Variants in SIM2 observed in about 807,000 individuals in gnomAD.
The protein encoded by SIM2 is single-minded homolog 2.
A neutral mutation model predicts 64.8 loss-of-function variants in SIM2; 28 were observed. The ratio of observed to expected loss-of-function variants is 0.43; its 90% CI spans 0.32 to 0.59. SIM2 has a LOEUF of 0.59. Ranked by LOEUF, SIM2 falls within the 20% of genes least tolerant of loss-of-function variation. The probability of loss-of-function intolerance (pLI) is 0.07; values close to 1 mark genes in which losing one functional copy is unlikely to be tolerated. For missense variants in SIM2, 847 were observed against 871.4 expected, an observed-to-expected ratio of 0.97 and a Z score of 0.35; for synonymous variants, 408 against 391.1, an observed-to-expected ratio of 1.04 and a Z score of -0.51.
At chr21:36,739,215 A>G (rs770008945) in intron 7 of SIM2, among the ~76,000 whole-genome samples, 8 of 152,360 alleles carry the variant, frequency 5.3e-5, no homozygotes, top group Middle Eastern at 3.4e-3. Flanking sequence ...TAAATCCTCA[A>G]ATAGATCATC....
In SIM2 at chr21:36,747,534, G is replaced by T; in HGVS notation, c.1577-131G>T. The T allele has an allele frequency of 2.1e-6, 1 of 480,862 alleles. No homozygotes were observed. The highest frequency in any genetic ancestry group is 3.0e-6 in the Non-Finnish European group (1 of 331,904). 29.8% of individuals were successfully genotyped at this position (480,862 alleles called of 1,614,324 possible). A position where few individuals can be genotyped will look rare whatever the true frequency, so the allele number is the denominator to read the frequency against. The stretch of plus-strand genomic sequence containing the variant: ...ACAGCACGGCCTAGACTAAGGCGGG[G>T]GAGGGCGACAGCGACCCCGCGGGTG... On this transcript the variant is annotated intron_variant, in intron 10 of 10. Coordinates refer to ENST00000290399, the MANE Select transcript of SIM2 (RefSeq NM_005069.6). The surrounding 1 kb of genome is among the most constrained non-coding windows in gnomAD (Gnocchi z 4.5).
Position 36,699,899 on chromosome 21 carries a change from G to A in SIM2, c.153G>A (p.Lys51=), listed in dbSNP as rs142269949. Residue 51 remains lysine, a synonymous_variant, in exon 1 of 11, where the codon AAG becomes AAA. Coordinates refer to ENST00000290399, the MANE Select transcript of SIM2 (RefSeq NM_005069.6). This position sits in a 1 kb window ranked among gnomAD's most constrained non-coding sequence, Gnocchi z 5.6. ...TCCGCCTCACCACGAGCTACCTGAA[G>A]ATGCGCGCCGTCTTCCCCGAAGGTG... ...SIIRLTTSYL[K]MRAVFPEGLG... is the part of the protein sequence containing the mutation. 36 of 1,605,222 alleles carry A rather than the reference G, an allele frequency of 2.2e-5. No homozygotes were observed. The African/African-American group carries it at 3.6e-4, about 16-fold the overall frequency.
intron 5 of SIM2, among the ~76,000 whole-genome samples, chr21:36,723,567 G>A (rs935224006): frequency 2.0e-5 from 3 of 152,180 alleles, no homozygotes; most frequent in East Asian, 1.9e-4. Context: ...TAATGCTAGC[G>A]CCCTTTCCAA....
chr21:36,717,904 G>T lies in SIM2; in HGVS notation c.349-1917G>T, dbSNP rs533943610. ...GATTAACAGGAATGACTCGAAAGAA[G>T]AATATTTAGTTTTATTATTTTTCTT... On this transcript the variant is annotated intron_variant, in intron 3 of 10. Coordinates refer to ENST00000290399, the MANE Select transcript of SIM2 (RefSeq NM_005069.6). Among the ~76,000 whole-genome samples the T allele has an allele frequency of 5.9e-5, 9 of 152,276 alleles. 1 individual carries two copies. The South Asian group carries it at 1.7e-3, about 28-fold the overall frequency.
chr21:36,701,008 G>A (rs1466727699), intron 1 of SIM2, among the ~76,000 whole-genome samples: 2 of 152,234 alleles, frequency 1.3e-5, no homozygotes, highest in Non-Finnish European at 2.9e-5. Flanking sequence ...AGGTCTGAGC[G>A]TTTTTGGCGT....
chr21:36,732,944 G>C (rs975719586), intron 7 of SIM2, among the ~76,000 whole-genome samples: 1 of 152,186 alleles, frequency 6.6e-6, no homozygotes, highest in Non-Finnish European at 1.5e-5. Flanking sequence ...GCATAGAGCT[G>C]TGCTGTGCCC....
chr21:36,700,533 C>T (rs1338870702), intron 1 of SIM2, among the ~76,000 whole-genome samples: 2 of 152,070 alleles, frequency 1.3e-5, no homozygotes, highest in Non-Finnish European at 2.9e-5. Context: ...TCCCTTCCTC[C>T]TTTTCTTTCT....
In SIM2 at chr21:36,726,421, T is replaced by A; in HGVS notation, c.743+103T>A. On this transcript the variant is annotated intron_variant, in intron 6 of 10. Transcript: ENST00000290399. This position sits in a 1 kb window ranked among gnomAD's most constrained non-coding sequence, Gnocchi z 4.5. ...ATCTTGGCCAAATCATAACAAGGAA[T>A]AAGTCATAATAGGAATGTGGATTAA... is the stretch of plus-strand genomic sequence containing the variant. 2 of 986,796 alleles carry A rather than the reference T, an allele frequency of 2.0e-6. No individual in the cohort carries two copies. Among genetic ancestry groups the A allele is most frequent in the Non-Finnish European group, 3.0e-6 (2 of 663,992 alleles). The allele number at this position is 986,796 out of a possible 1,614,324, so 61.1% of individuals were successfully genotyped here.
At position 36,747,988 on chromosome 21, in the gene SIM2, G is replaced by C. The variant is rs1051393062; in HGVS notation, c.1900G>C (p.Gly634Arg). 1.8e-4 allele frequency: 189 copies of C among 1,071,434 alleles called. No individual in the cohort carries two copies. The Admixed American group carries it at 1.9e-3, about 11-fold the overall frequency. 66.4% of individuals were successfully genotyped at this position (1,071,434 alleles called of 1,614,324 possible). ...CAPGGPEAAT[G>R]ALRLRHPSPA... ...TCCCGGCGGCCCCGAGGCGGCGACC[G>C]GCGCGCTGCGGCTCCGGCACCCGAG... The change falls in exon 11 of 11, where the codon GGC becomes CGC. Residue 634 changes from glycine to arginine, a missense_variant. This residue lies in a region of SIM2 where 447 missense variants were observed against 414.6 expected (regional missense o/e 1.08). Transcript: ENST00000290399. The surrounding 1 kb of genome is among the most constrained non-coding windows in gnomAD (Gnocchi z 4.5).
chr21:36,709,487 G>A (rs1190250151), intron 2 of SIM2: 1 of 667,536 alleles, frequency 1.5e-6, no homozygotes, highest in South Asian at 1.5e-5. Flanking sequence ...AAGGCCCCAG[G>A]ACTCCCCAGG....
intron 4 of SIM2, among the ~76,000 whole-genome samples, chr21:36,722,508 G>A (rs546655611): frequency 9.8e-5 from 15 of 152,336 alleles, no homozygotes; most frequent in Non-Finnish European, 1.8e-4. Context: ...AACAGAGGGT[G>A]TTTCCTTAGG....
chr21:36,724,854 A>G (rs139883266), intron 5 of SIM2, among the ~76,000 whole-genome samples: 276 of 152,288 alleles, frequency 1.8e-3, no homozygotes, highest in Admixed American at 3.8e-3. Context: ...GCTTGAATAA[A>G]TGCTTCCAGT....
chr21:36,708,845 T>C (rs1302604722), intron 1 of SIM2, among the ~76,000 whole-genome samples: 1 of 152,188 alleles, frequency 6.6e-6, no homozygotes, highest in Non-Finnish European at 1.5e-5. Flanking sequence ...TAGATTACTT[T>C]GTGGCATTTC....
intron 3 of SIM2, among the ~76,000 whole-genome samples, chr21:36,717,013 G>A (rs556879640): frequency 1.1e-4 from 16 of 152,260 alleles, no homozygotes; most frequent in African/African-American, 2.6e-4. Context: ...AGACATTTCC[G>A]TTATTTGAAG....
intron 7 of SIM2, among the ~76,000 whole-genome samples, chr21:36,737,314 C>T (rs1488045999): frequency 7.2e-5 from 11 of 152,254 alleles, no homozygotes; most frequent in Non-Finnish European, 1.2e-4. Flanking sequence ...TCACCCACCA[C>T]CTGAGGTGGC....
chr21:36,736,737 C>CCTTCT (rs1418977620), intron 7 of SIM2, among the ~76,000 whole-genome samples: 1 of 146,008 alleles, frequency 6.8e-6, no homozygotes, highest in Non-Finnish European at 1.5e-5. Context: ...TCCCTCCTTC[C>CCTTCT]CTTCCCTTTC....
In SIM2 at chr21:36,730,872, C is replaced by T. The variant is rs537733241; in HGVS notation, c.744-173C>T. 7.6e-4 allele frequency among the ~76,000 whole-genome samples: 115 copies of T among 152,312 alleles called. 1 individual carries two copies. Among genetic ancestry groups the T allele is most frequent in the Non-Finnish European group, 4.9e-4 (33 of 68,032 alleles). ...TCATGAATAGTGCTACATCCTGCACCGGGCTCGAGTTCAAAGACTTGCTTC... is the reference window on the plus strand; with the variant it reads ...TCATGAATAGTGCTACATCCTGCACTGGGCTCGAGTTCAAAGACTTGCTTC... On this transcript the variant is annotated intron_variant, in intron 6 of 10. Transcript: ENST00000290399.
chr21:36,712,700 G>A, intron 3 of SIM2, 78 bp downstream of exon 3: 1 of 937,972 alleles, frequency 1.1e-6, no homozygotes, highest in Non-Finnish European at 1.7e-6. Context: ...CACCCAACTT[G>A]AAAATGAGTC....
At chr21:36,702,444 C>A (rs2088514592) in intron 1 of SIM2, among the ~76,000 whole-genome samples, 1 of 152,210 alleles carries the variant, frequency 6.6e-6, no homozygotes, top group South Asian at 2.1e-4. Context: ...AGACCTGGAG[C>A]CGGTGGACTC....
Sources: gnomAD v4.1 joint callset for allele counts (sites outside exome capture counted in the v4.1 genomes callset) on GRCh38, gnomAD v4.1.1 for gene constraint, gnomAD v4.1.1 regional missense constraint, Gnocchi (gnomAD v3.1) non-coding constraint, MANE v1.5 for transcripts, NCBI Gene and HGNC (gene_info 2026-07-23, HGNC 2026-07-21) for gene names.